CTSL: variants seen among roughly 807,000 people sequenced by gnomAD.
The protein encoded by CTSL is cathepsin L.
A neutral mutation model predicts 34.7 loss-of-function variants in CTSL; 23 were observed. That is an observed-to-expected ratio of 0.66 (90% CI 0.48 to 0.94). The LOEUF is 0.94. Ranked by LOEUF, CTSL falls within the 40% of genes least tolerant of loss-of-function variation. CTSL has a pLI of 0.00. For missense variants in CTSL, 361 were observed against 406.3 expected (o/e 0.89, Z 0.96); for synonymous variants, 129 against 136.7 (o/e 0.94, Z 0.39).
chr9:87,730,860 T>G (rs1826230890), intron 7 of CTSL, 148 bp from the exon 8 acceptor site: 1 of 626,258 alleles, frequency 1.6e-6, no homozygotes, highest in East Asian at 2.8e-5. Flanking sequence ...ATGTCAAGAA[T>G]TTTTTAAGGA....
intron 5 of CTSL, among the ~76,000 whole-genome samples, chr9:87,729,355 A>G (rs1431479401): frequency 2.0e-5 from 3 of 152,220 alleles, no homozygotes; most frequent in African/African-American, 7.2e-5. Flanking sequence ...ATTGTGAAAA[A>G]TGTCTTATGG....
chr9:87,727,041 A>AAATAAAT (rs1826033453), intron 1 of CTSL, among the ~76,000 whole-genome samples: 7 of 144,778 alleles, frequency 4.8e-5, no homozygotes, highest in South Asian at 4.5e-4. Flanking sequence ...TCCATCTCAA[A>AAATAAAT]AAATAAATAA....
chr9:87,727,513 G>A, intron 1 of CTSL, 81 bp from the exon 2 acceptor site: 1 of 1,341,812 alleles, frequency 7.5e-7, no homozygotes, highest in East Asian at 2.3e-5. Context: ...TTCTACCATG[G>A]TGGCCCTAAT....
intron 2 of CTSL, 134 bp downstream of exon 2, chr9:87,727,863 A>G: frequency 7.2e-7 from 1 of 1,392,816 alleles, no homozygotes. Context: ...CACAATGTGG[A>G]CATTCATCCT....
rs770099766 is a variant in CTSL at position 87,728,414 on chromosome 9, TCAG to T, written c.396+19_396+21del. On this transcript the variant is annotated intron_variant, in intron 4 of 7. Transcript: ENST00000343150. The stretch of plus-strand genomic sequence containing the variant: ...AGAATCAGGTGAGACAGTGTCAGGT[TCAG>T]ACCTCCCATCTTCCCAGGAAAGCCA... 610 of 1,607,226 alleles carry T rather than the reference TCAG, an allele frequency of 3.8e-4. 5 individuals carry two copies. Among genetic ancestry groups the T allele is most frequent in the Admixed American group, 1.9e-4 (11 of 58,472 alleles).
intron 2 of CTSL, 36 bp from the exon 3 acceptor site, chr9:87,727,991 A>G (rs1484475694): frequency 1.9e-6 from 3 of 1,610,722 alleles, no homozygotes; most frequent in African/African-American, 2.7e-5. Flanking sequence ...GGTTTTAGGT[A>G]GAAGTAAAGA....
chr9:87,730,543 T>C (rs201737990), intron 7 of CTSL, 45 bp downstream of exon 7: 1 of 1,352,898 alleles, frequency 7.4e-7, no homozygotes, highest in African/African-American at 1.4e-5. Context: ...CAAAAGAGAA[T>C]ACTTATTTGC....
intron 5 of CTSL, among the ~76,000 whole-genome samples, chr9:87,729,260 G>C (rs1826161321): frequency 6.6e-6 from 1 of 152,108 alleles, no homozygotes; most frequent in Non-Finnish European, 1.5e-5. Flanking sequence ...GCACAATCCT[G>C]TGATTAGATG....
chr9:87,729,035 G>A (rs1166685708), intron 5 of CTSL: 7 of 1,234,348 alleles, frequency 5.7e-6, no homozygotes, highest in East Asian at 2.6e-5. Flanking sequence ...AAAATACAAC[G>A]AAAATTAGCC....
In CTSL at chr9:87,726,124, C is replaced by T. The variant is rs147002232; in HGVS notation, c.-285C>T. 3.2e-4 allele frequency: 49 copies of T among 152,386 alleles called. 1 individual carries two copies. The highest frequency in any genetic ancestry group is 1.1e-3 in the African/African-American group (46 of 41,554). 9.4% of individuals were successfully genotyped at this position (152,386 alleles called of 1,614,324 possible). On this transcript the variant is annotated 5_prime_UTR_variant, in exon 1 of 8. Coordinates refer to ENST00000343150, the MANE Select transcript of CTSL (RefSeq NM_001912.5). Reference sequence around the variant, plus strand: ...GAGTCAGGCGAAGCTGGGCCAGAACCGCGACCTCCGCAACCTTGAGCGGCA... The same window carrying T: ...GAGTCAGGCGAAGCTGGGCCAGAACTGCGACCTCCGCAACCTTGAGCGGCA...
rs757057076 is a variant in CTSL, at chr9:87,728,198, T to C, written c.249+49T>C. 8.1e-6 allele frequency: 13 copies of C among 1,614,182 alleles called. No individual in the cohort carries two copies. The South Asian group carries it at 1.2e-4, about 15-fold the overall frequency. On this transcript the variant is annotated intron_variant, in intron 3 of 7. Coordinates refer to ENST00000343150, the MANE Select transcript of CTSL (RefSeq NM_001912.5). Reference sequence around the variant, plus strand: ...GCTCTGTGCTTCCTCTCTTCGGTTCTTTACTAAGGTAATCTCTTGCTTTTC... The same window carrying C: ...GCTCTGTGCTTCCTCTCTTCGGTTCCTTACTAAGGTAATCTCTTGCTTTTC...
At chr9:87,726,661 C>CA (rs1430015786) in intron 1 of CTSL, among the ~76,000 whole-genome samples, 16 of 152,190 alleles carry the variant, frequency 1.1e-4, no homozygotes, top group African/African-American at 3.9e-4. Flanking sequence ...GGGGTGTCGG[C>CA]AGCACAGGCC....
chr9:87,727,546 CTTTTTAGG>C, intron 1 of CTSL, 40 bp from the exon 2 acceptor site: 1 of 1,590,800 alleles, frequency 6.3e-7, no homozygotes, highest in Non-Finnish European at 8.6e-7. Context: ...AGTAAGATGG[CTTTTTAGG>C]ATTGGTCTAA....
Position 87,731,109 on chromosome 9 carries a change from C to T in CTSL, c.*2C>T, listed in dbSNP as rs757137849. On this transcript the variant is annotated 3_prime_UTR_variant, in exon 8 of 8. Coordinates refer to ENST00000343150, the MANE Select transcript of CTSL (RefSeq NM_001912.5). ...GCAGCCAGCTACCCCACTGTGTGAG[C>T]TGGTGGACGGTGATGAGGAAGGACT... 2 of 1,612,410 alleles carry T rather than the reference C, an allele frequency of 1.2e-6. No individual in the cohort carries two copies.
intron 4 of CTSL, 93 bp downstream of exon 4, chr9:87,728,489 A>G (rs1482885196): frequency 1.3e-6 from 2 of 1,568,170 alleles, no homozygotes; most frequent in Admixed American, 1.9e-5. Flanking sequence ...AGTGATGTAC[A>G]GTTCACTTTT....
At position 87,726,223 on chromosome 9, in the gene CTSL, AG is replaced by A; in HGVS notation, c.-183del. 6.6e-6 allele frequency: 1 copy of A among 152,528 alleles called. No individual in the cohort carries two copies. The highest frequency in any genetic ancestry group is 1.5e-5 in the Non-Finnish European group (1 of 68,160). The allele number at this position is 152,528 out of a possible 1,614,324, so 9.4% of individuals were successfully genotyped here. On this transcript the variant is annotated 5_prime_UTR_variant, in exon 1 of 8. Transcript: ENST00000343150. ...CGGCCAGGCCCAGCTGTGGCCGGAC[AG>A]GGACTGGAAGAGAGGACGCGGTCGA...
chr9:87,729,867 G>C, intron 6 of CTSL, 132 bp downstream of exon 6: 1 of 780,036 alleles, frequency 1.3e-6, no homozygotes, highest in Non-Finnish European at 2.0e-6. Context: ...TGTTCATTCT[G>C]TACATGCAAT....
chr9:87,729,033 A>G, intron 5 of CTSL: 2 of 1,246,562 alleles, frequency 1.6e-6, no homozygotes, highest in Non-Finnish European at 2.1e-6. Context: ...CAAAAATACA[A>G]CGAAAATTAG....
chr9:87,731,178 T>C lies in CTSL; in HGVS notation c.*71T>C, dbSNP rs1826249259. The C allele has an allele frequency of 8.7e-7, 1 of 1,145,478 alleles. No individual in the cohort carries two copies. The allele number at this position is 1,145,478 out of a possible 1,614,324, so 71.0% of individuals were successfully genotyped here. A position where few individuals can be genotyped will look rare whatever the true frequency, so the allele number is the denominator to read the frequency against. ...GCATGGGAGGAATTCATCTTCAGTCTACCAGCCCCCGCTGTGTCGGATACA... is the reference window on the plus strand; with the variant it reads ...GCATGGGAGGAATTCATCTTCAGTCCACCAGCCCCCGCTGTGTCGGATACA... On this transcript the variant is annotated 3_prime_UTR_variant, in exon 8 of 8. Transcript: ENST00000343150.
Sources: gnomAD v4.1 joint callset for allele counts (sites outside exome capture counted in the v4.1 genomes callset) on GRCh38, gnomAD v4.1.1 for gene constraint, MANE v1.5 for transcripts, NCBI Gene and HGNC (gene_info 2026-07-23, HGNC 2026-07-21) for gene names.